Variants in GSG1L observed in about 807,000 individuals in gnomAD.
GSG1L encodes GSG1 like, also known as germ cell-specific gene 1-like protein.
Under a neutral mutation model 42.1 loss-of-function variants are expected in GSG1L, and 24 were observed. The observed-to-expected ratio is 0.57, with a 90% CI of 0.41 to 0.80. The LOEUF is 0.80. Ranked by LOEUF, GSG1L falls within the 30% of genes least tolerant of loss-of-function variation. The pLI is 0.00. For synonymous variants in GSG1L, 215 were observed against 203.5 expected, an observed-to-expected ratio of 1.06 and a Z score of -0.48; for missense variants, 445 against 472.2, an observed-to-expected ratio of 0.94 and a Z score of 0.53.
intron 1 of GSG1L, among the ~76,000 whole-genome samples, chr16:27,976,431 A>G (rs1311364216): frequency 6.6e-6 from 1 of 152,222 alleles, no homozygotes; most frequent in Non-Finnish European, 1.5e-5. Context: ...TGATTGTGGA[A>G]TGAAGCAATT....
At chr16:27,924,521 T>A (rs2084569022) in intron 2 of GSG1L, among the ~76,000 whole-genome samples, 1 of 152,238 alleles carries the variant, frequency 6.6e-6, no homozygotes, top group South Asian at 2.1e-4. Context: ...ATAAATGCTG[T>A]GTCATGTGGC....
intron 1 of GSG1L, among the ~76,000 whole-genome samples, chr16:27,989,438 T>C (rs376614479): frequency 1.1e-4 from 17 of 152,244 alleles, no homozygotes; most frequent in African/African-American, 3.9e-4. Flanking sequence ...TAGGCTTATT[T>C]GTTATGTTAA....
intron 6 of GSG1L, among the ~76,000 whole-genome samples, chr16:27,804,298 C>G (rs1363244371): frequency 6.6e-6 from 1 of 152,134 alleles, no homozygotes; most frequent in Non-Finnish European, 1.5e-5. Flanking sequence ...CCTGGCTATT[C>G]CACAAGCACT....
At chr16:27,963,244 A>G (rs759924872) in intron 1 of GSG1L, 41 bp from the exon 2 acceptor site, 1 of 1,588,094 alleles carries the variant, frequency 6.3e-7, no homozygotes, top group Non-Finnish European at 8.6e-7. Context: ...GTGAGAGGAC[A>G]CGTGGGCTTC....
At position 27,897,465 on chromosome 16, in the gene GSG1L, AT is replaced by A. The variant is rs372510512; in HGVS notation, c.398-12828del. 3.2e-4 allele frequency among the ~76,000 whole-genome samples: 49 copies of A among 152,136 alleles called. No homozygotes were observed. The East Asian group carries it at 9.3e-3, about 29-fold the overall frequency. ...AGGCACGTTCTATTGTGTCTGGGTA[AT>A]TTTTTAAATTTTTTGTAGAGATGAG... On this transcript the variant is annotated intron_variant, in intron 2 of 6. Coordinates refer to ENST00000447459, the MANE Select transcript of GSG1L (RefSeq NM_001109763.2).
At chr16:27,808,323 G>A (rs2082991531) in intron 5 of GSG1L, among the ~76,000 whole-genome samples, 1 of 152,180 alleles carries the variant, frequency 6.6e-6, no homozygotes, top group Admixed American at 6.5e-5. Context: ...CTGGCTTCAA[G>A]GGATCCTCCT....
At chr16:27,866,996 G>C (rs908449668) in intron 3 of GSG1L, among the ~76,000 whole-genome samples, 1 of 152,196 alleles carries the variant, frequency 6.6e-6, no homozygotes, top group African/African-American at 2.4e-5. Context: ...GGGCAGAGGA[G>C]AGAGTGCCTA....
intron 4 of GSG1L, among the ~76,000 whole-genome samples, chr16:27,835,644 T>C (rs1244353109): frequency 1.3e-5 from 2 of 152,112 alleles, no homozygotes; most frequent in African/African-American, 2.4e-5. Context: ...TTTTGATTTA[T>C]CTATAGTTAT....
intron 2 of GSG1L, among the ~76,000 whole-genome samples, chr16:27,937,642 C>T (rs942205539): frequency 5.3e-5 from 8 of 152,232 alleles, no homozygotes; most frequent in Admixed American, 2.6e-4. Context: ...CAGACCAGGG[C>T]GATGACTGGG....
Position 27,958,202 on chromosome 16 carries a change from C to T in GSG1L, c.397+4954G>A, listed in dbSNP as rs141590122. Among the ~76,000 whole-genome samples, 445 of 151,944 alleles carry T rather than the reference C, an allele frequency of 2.9e-3. 3 individuals are homozygous for T. Among genetic ancestry groups the T allele is most frequent in the African/African-American group, 9.5e-3 (394 of 41,460 alleles). ...GCAGGCCCACCTGAGGTCAGGAGTT[C>T]GAGACCAGCCTGACCAAATTGGTGA... On this transcript the variant is annotated intron_variant, in intron 2 of 6. Transcript: ENST00000447459.
rs575126544 is a variant in GSG1L, at chr16:27,791,540, C to A, written c.899-73G>T. The A allele has an allele frequency of 1.6e-4, 157 of 974,060 alleles. No homozygotes were observed. The Admixed American group carries it at 2.5e-3, about 16-fold the overall frequency. 60.3% of individuals were successfully genotyped at this position (974,060 alleles called of 1,614,324 possible). On this transcript the variant is annotated intron_variant, in intron 6 of 6. Transcript: ENST00000447459. Reference sequence around the variant, plus strand: ...CACATCCTGTCTACCCACCGCCCCCCACCCACACATCCATCACTCACCCTC... The same window carrying A: ...CACATCCTGTCTACCCACCGCCCCCAACCCACACATCCATCACTCACCCTC...
chr16:28,016,553 C>T (rs1336895595), intron 1 of GSG1L, among the ~76,000 whole-genome samples: 1 of 152,088 alleles, frequency 6.6e-6, no homozygotes, highest in East Asian at 1.9e-4. Flanking sequence ...TCTCATAAGC[C>T]TCTTTCTTAT....
Position 27,913,681 on chromosome 16 carries a change from T to C in GSG1L, c.398-29043A>G, listed in dbSNP as rs7195263. Among the ~76,000 whole-genome samples, 724 of 152,322 alleles carry C rather than the reference T, an allele frequency of 4.8e-3. 4 individuals carry two copies. The highest frequency in any genetic ancestry group is 0.017 in the African/African-American group (689 of 41,566). On this transcript the variant is annotated intron_variant, in intron 2 of 6. Coordinates refer to ENST00000447459, the MANE Select transcript of GSG1L (RefSeq NM_001109763.2). ...TATGTATCATCTATGGCTGCTTTCA[T>C]ATAACAATGGCAGAGGTGAGTAACC...
chr16:27,824,403 T>C (rs2083184851), intron 5 of GSG1L, among the ~76,000 whole-genome samples: 1 of 152,146 alleles, frequency 6.6e-6, no homozygotes, highest in Non-Finnish European at 1.5e-5. Flanking sequence ...CCTGGGCAGG[T>C]GGGGCCATGG....
At chr16:27,845,372 G>T (rs1001389197) in intron 3 of GSG1L, among the ~76,000 whole-genome samples, 5 of 152,176 alleles carry the variant, frequency 3.3e-5, no homozygotes, top group Non-Finnish European at 7.3e-5. Flanking sequence ...GGGACTACAG[G>T]TGTATGCCAC....
chr16:27,947,978 A>T (rs546398823), intron 2 of GSG1L, among the ~76,000 whole-genome samples: 114 of 152,298 alleles, frequency 7.5e-4, no homozygotes, highest in Middle Eastern at 3.4e-3. Flanking sequence ...GAGAATCACA[A>T]GTGTCACCCC....
At chr16:28,007,192 G>A (rs977653353) in intron 1 of GSG1L, among the ~76,000 whole-genome samples, 2 of 152,176 alleles carry the variant, frequency 1.3e-5, no homozygotes, top group Non-Finnish European at 2.9e-5. Context: ...GAGCTGGGGA[G>A]ATTAGCCAGG....
rs150511249 is a variant in GSG1L, at chr16:27,847,687, T to C, written c.551-2626A>G. Among the ~76,000 whole-genome samples, 6 of 152,318 alleles carry C rather than the reference T, an allele frequency of 3.9e-5. No homozygotes were observed. The East Asian group carries it at 5.8e-4, about 15-fold the overall frequency. On this transcript the variant is annotated intron_variant, in intron 3 of 6. Coordinates refer to ENST00000447459, the MANE Select transcript of GSG1L (RefSeq NM_001109763.2). ...GGCCTGGTGGGACGTGACTGGATCA[T>C]GGGGGGAGATTTCCCTCTTGCTGTT...
intron 1 of GSG1L, among the ~76,000 whole-genome samples, chr16:28,052,880 T>C (rs1264278108): frequency 6.6e-6 from 1 of 152,196 alleles, no homozygotes; most frequent in Non-Finnish European, 1.5e-5. Flanking sequence ...CGTGTCCAAG[T>C]CTTCTGCCTC....
Sources: allele counts gnomAD v4.1 joint callset (sites outside exome capture counted in the v4.1 genomes callset), GRCh38; gene constraint gnomAD v4.1.1; transcripts MANE v1.5; gene names NCBI Gene and HGNC (gene_info 2026-07-23, HGNC 2026-07-21).